Variants in SRP68 observed in about 807,000 individuals in gnomAD.
The protein encoded by SRP68 is signal recognition particle subunit SRP68.
In SRP68, 15 loss-of-function variants were observed where a neutral mutation model predicts 82.2. That is an observed-to-expected ratio of 0.18 (90% CI 0.12 to 0.28). SRP68 has a LOEUF of 0.28. Among genes scored for constraint, SRP68 ranks in the 10% least tolerant of loss-of-function variants. The pLI is 1.00. For missense variants in SRP68, 595 were observed against 780.5 expected, an observed-to-expected ratio of 0.76 and a Z score of 2.83; for synonymous variants, 261 against 292.6, an observed-to-expected ratio of 0.89 and a Z score of 1.10.
chr17:76,040,246 T>A (rs1451081047), intron 15 of SRP68, among the ~76,000 whole-genome samples, 173 bp downstream of exon 15: 3 of 152,222 alleles, frequency 2.0e-5, no homozygotes, highest in African/African-American at 7.2e-5. Context: ...TTCCCAGGGA[T>A]GATCTGACAT....
Position 76,055,526 on chromosome 17 carries a change from C to T in SRP68, c.978+1877G>A, listed in dbSNP as rs925666687. Among the ~76,000 whole-genome samples the T allele has an allele frequency of 1.2e-4, 18 of 151,578 alleles. No individual in the cohort carries two copies. In the East Asian group the frequency reaches 2.6e-3, roughly 22 times the overall value. On this transcript the variant is annotated intron_variant, in intron 8 of 15. Coordinates refer to ENST00000307877, the MANE Select transcript of SRP68 (RefSeq NM_014230.4). ...ATTCCAGCACTTTGGGAGGCTGAGG[C>T]GGGTGGATCACGAGGGCAGGAGTTT... is the stretch of plus-strand genomic sequence containing the variant.
chr17:76,044,070 G>A, intron 12 of SRP68, 112 bp from the exon 13 acceptor site: 2 of 1,257,166 alleles, frequency 1.6e-6, no homozygotes, highest in Admixed American at 5.5e-5. Flanking sequence ...TTCTTAACGT[G>A]GGATCACCGC....
At chr17:76,064,377 T>C (rs2066791076) in intron 3 of SRP68, among the ~76,000 whole-genome samples, 1 of 152,180 alleles carries the variant, frequency 6.6e-6, no homozygotes, top group South Asian at 2.1e-4. Context: ...TCTCATCATC[T>C]ACTAGACACA....
chr17:76,039,994 T>G, intron 15 of SRP68, 61 bp from the exon 16 acceptor site: 1 of 1,532,258 alleles, frequency 6.5e-7, no homozygotes, highest in African/African-American at 1.4e-5. Context: ...TGGTGAACAT[T>G]CCTGAGTGCC....
At chr17:76,043,020 C>T (rs1305645082) in intron 13 of SRP68, among the ~76,000 whole-genome samples, 1 of 151,978 alleles carries the variant, frequency 6.6e-6, no homozygotes, top group African/African-American at 2.4e-5. Context: ...GAGGCAGAGG[C>T]AGGAGGACTG....
chr17:76,061,668 A>G (rs2066753160), intron 4 of SRP68, 94 bp from the exon 5 acceptor site: 2 of 1,026,296 alleles, frequency 1.9e-6, no homozygotes, highest in Non-Finnish European at 3.0e-6. Flanking sequence ...GATATCAAGA[A>G]TATGGATATG....
At chr17:76,053,891 C>T (rs1598263141) in intron 8 of SRP68, among the ~76,000 whole-genome samples, 1 of 152,312 alleles carries the variant, frequency 6.6e-6, no homozygotes, top group East Asian at 1.9e-4. Context: ...CTCCTCTCAA[C>T]ACGCAGAGGC....
In SRP68 at chr17:76,061,194, C is replaced by T; in HGVS notation, c.670G>A (p.Ala224Thr). The change falls in exon 6 of 16, where the codon GCT (alanine) becomes ACT (threonine). Residue 224 changes from alanine (A) to threonine (T), a missense_variant. Ala to Thr is a moderately conservative substitution (Grantham distance 58). Around this residue, in one of 2 missense-constraint regions of SRP68, gnomAD observed 495 missense variants for 688.6 expected, o/e 0.72. Coordinates refer to ENST00000307877, the MANE Select transcript of SRP68 (RefSeq NM_014230.4). ...CKTIYEKLAS[A>T]FTEEQAVLYN... is the part of the protein sequence containing the mutation. ...AGCACAGCCTGCTCCTCTGTGAAAGCACTGGCTAGCTTCTCATAGATAGTT... is the reference window on the plus strand; with the variant it reads ...AGCACAGCCTGCTCCTCTGTGAAAGTACTGGCTAGCTTCTCATAGATAGTT... 6.2e-7 allele frequency: 1 copy of T among 1,613,550 alleles called. No homozygotes were observed. The highest frequency in any genetic ancestry group is 8.5e-7 in the Non-Finnish European group (1 of 1,179,512).
In SRP68 at chr17:76,072,147, G is replaced by GGC; in HGVS notation, c.184+160_184+161insGC. On this transcript the variant is annotated intron_variant, in intron 1 of 15. Coordinates refer to ENST00000307877, the MANE Select transcript of SRP68 (RefSeq NM_014230.4). This position sits in a 1 kb window ranked among gnomAD's most constrained non-coding sequence, Gnocchi z 4.5. ...ACGAGGAAAGACTAGTCGAGAGACA[G>GGC]ACCCCCCCCGGAATTCTGAGCACCA... 2 of 1,285,714 alleles carry GGC rather than the reference G, an allele frequency of 1.6e-6. No homozygotes were observed. The highest frequency in any genetic ancestry group is 1.7e-5 in the African/African-American group (1 of 58,702). 79.6% of individuals were successfully genotyped at this position (1,285,714 alleles called of 1,614,324 possible).
At position 76,039,498 on chromosome 17, in the gene SRP68, C is replaced by T; in HGVS notation, c.*208G>A. ...GTACAGGAGACAGGATGACCCTGCA[C>T]ACATTTACCAGAAGACAACAGGGTG... is the stretch of plus-strand genomic sequence containing the variant. On this transcript the variant is annotated 3_prime_UTR_variant, in exon 16 of 16. Transcript: ENST00000307877. 1.5e-6 allele frequency: 1 copy of T among 649,398 alleles called. No homozygotes were observed. The highest frequency in any genetic ancestry group is 2.8e-6 in the Non-Finnish European group (1 of 360,710). The allele number at this position is 649,398 out of a possible 1,614,324, so 40.2% of individuals were successfully genotyped here. A position where few individuals can be genotyped will look rare whatever the true frequency, so the allele number is the denominator to read the frequency against.
chr17:76,039,955 C>T (rs200470673), intron 15 of SRP68, 22 bp from the exon 16 acceptor site: 206 of 1,611,196 alleles, frequency 1.3e-4, no homozygotes, highest in Non-Finnish European at 1.7e-4. Flanking sequence ...ATCAAAGAGA[C>T]GTATGTAGCA....
chr17:76,063,418 G>T (rs1349560272), intron 4 of SRP68, among the ~76,000 whole-genome samples: 1 of 152,184 alleles, frequency 6.6e-6, no homozygotes, highest in African/African-American at 2.4e-5. Flanking sequence ...ACGTGCAGTG[G>T]CTCACGCTTG....
intron 9 of SRP68, chr17:76,049,058 G>C (rs766794306): frequency 6.6e-6 from 1 of 152,214 alleles, no homozygotes; most frequent in African/African-American, 2.4e-5. Flanking sequence ...GCTAGGCAAC[G>C]AAGTTATTGT....
chr17:76,041,892 CTTT>C (rs370234712), intron 13 of SRP68, among the ~76,000 whole-genome samples: 2 of 149,620 alleles, frequency 1.3e-5, no homozygotes, highest in Non-Finnish European at 3.0e-5. Flanking sequence ...CCTTTGCTTG[CTTT>C]TTTTTTTCTT....
Position 76,072,362 on chromosome 17 carries a change from G to A in SRP68, c.130C>T (p.Pro44Ser). Residue 44 changes from proline to serine, a missense_variant, in exon 1 of 16, where the codon CCT (proline) becomes TCT (serine). Transcript: ENST00000307877. The surrounding 1 kb of genome is among the most constrained non-coding windows in gnomAD (Gnocchi z 4.5). ...GGEENKENERPSAGSKANKEF... is the reference protein window; with the variant it reads ...GGEENKENERSSAGSKANKEF... ...TTGTTTGCCTTCGATCCGGCCGAAG[G>A]GCGTTCGTTTTCTTTATTTTCTTCC... 1 of 1,612,714 alleles carries A rather than the reference G, an allele frequency of 6.2e-7. No homozygotes were observed. Among genetic ancestry groups the A allele is most frequent in the Non-Finnish European group, 8.5e-7 (1 of 1,179,768 alleles).
rs1567939523 is a variant in SRP68 at position 76,072,429 on chromosome 17, G to A, written c.63C>T (p.Gly21=). 8 of 1,570,800 alleles carry A rather than the reference G, an allele frequency of 5.1e-6. No individual in the cohort carries two copies. In the African/African-American group the frequency reaches 5.5e-5, roughly 11 times the overall value. ...GGGGGSGGGG[G]SGGGGSGGGR... is the part of the protein sequence containing the mutation. ...CACCGCCGCTACCGCCGCCGCCACT[G>A]CCACCGCCGCCGCCACTGCCGCCGC... Residue 21 remains glycine, a synonymous_variant, in exon 1 of 16, where the codon GGC becomes GGT. Transcript: ENST00000307877. The surrounding 1 kb of genome is among the most constrained non-coding windows in gnomAD (Gnocchi z 4.5).
chr17:76,054,189 G>A lies in SRP68; in HGVS notation c.978+3214C>T, dbSNP rs1384884991. Among the ~76,000 whole-genome samples the A allele has an allele frequency of 2.0e-5, 3 of 152,340 alleles. No individual in the cohort carries two copies. The East Asian group carries it at 5.8e-4, about 29-fold the overall frequency. ...TCTCGTCAGGCTCAGTTTCAAAACTGACTGGTGCGGAGGAAAGCGAGCTGC... is the reference window on the plus strand; with the variant it reads ...TCTCGTCAGGCTCAGTTTCAAAACTAACTGGTGCGGAGGAAAGCGAGCTGC... On this transcript the variant is annotated intron_variant, in intron 8 of 15. Coordinates refer to ENST00000307877, the MANE Select transcript of SRP68 (RefSeq NM_014230.4).
chr17:76,060,860 G>A (rs2665999), intron 6 of SRP68: 207,860 of 448,584 alleles, frequency 0.46, 53,241 homozygotes, highest in African/African-American at 0.83. Context: ...GAACTCAGCC[G>A]GAGACTCAAG....
At chr17:76,056,028 G>A (rs893595534) in intron 8 of SRP68, among the ~76,000 whole-genome samples, 1 of 151,870 alleles carries the variant, frequency 6.6e-6, no homozygotes, top group African/African-American at 2.4e-5. Flanking sequence ...GCCCAGGCTG[G>A]TCTCCAACTC....
Sources: allele counts gnomAD v4.1 joint callset (sites outside exome capture counted in the v4.1 genomes callset), GRCh38; gene constraint gnomAD v4.1.1; regional missense constraint gnomAD v4.1.1; non-coding constraint Gnocchi (gnomAD v3.1); transcripts MANE v1.5; gene names NCBI Gene and HGNC (gene_info 2026-07-23, HGNC 2026-07-21).